SERPINB12: variants seen among roughly 807,000 people sequenced by gnomAD.
The protein encoded by SERPINB12 is serpin family B member 12.
Under a neutral mutation model 41.1 loss-of-function variants are expected in SERPINB12, and 57 were observed. That is an observed-to-expected ratio of 1.39 (90% confidence interval 1.12 to 1.73). The LOEUF (loss-of-function observed/expected upper bound fraction) is 1.73. SERPINB12 is among the 40% of genes most tolerant of loss of function. The probability of loss-of-function intolerance (pLI) is 0.00; values close to 1 mark genes in which losing one functional copy is unlikely to be tolerated. For synonymous variants in SERPINB12, 180 were observed against 181.3 expected (o/e 0.99, Z 0.06); for missense variants, 536 against 501.9 (o/e 1.07, Z -0.65).
chr18:63,532,329 C>T, the SERPINB12 span, among the ~76,000 whole-genome samples: 1 of 152,134 alleles, frequency 6.6e-6, no homozygotes, highest in African/African-American at 2.4e-5. Flanking sequence ...TCTGTCAAGG[C>T]CAGGGACATC....
chr18:63,553,024 T>C (rs1056150227), intron 1 of SERPINB12, among the ~76,000 whole-genome samples: 1 of 152,178 alleles, frequency 6.6e-6, no homozygotes, highest in Admixed American at 6.5e-5. Flanking sequence ...TCAACTCCCT[T>C]GGGAGGTGAG....
chr18:63,560,606 G>A (rs939099561), intron 4 of SERPINB12, among the ~76,000 whole-genome samples: 10 of 152,078 alleles, frequency 6.6e-5, no homozygotes, highest in African/African-American at 1.7e-4. Flanking sequence ...CCATTTATGT[G>A]TACATTTCAG....
intron 1 of SERPINB12, among the ~76,000 whole-genome samples, chr18:63,548,517 C>A (rs985505721): frequency 1.3e-5 from 2 of 151,336 alleles, no homozygotes; most frequent in African/African-American, 4.9e-5. Context: ...TCTATAATAA[C>A]AATAAAGAAA....
At chr18:63,528,392 C>CAATAAATA in the SERPINB12 span, among the ~76,000 whole-genome samples, 49,160 of 144,642 alleles carry the variant, frequency 0.34, 9,004 homozygotes, top group Middle Eastern at 0.43. Flanking sequence ...TCTCTGAGAG[C>CAATAAATA]AATAAATAAA....
At chr18:63,547,698 G>A (rs967973651) in intron 1 of SERPINB12, among the ~76,000 whole-genome samples, 19 of 152,020 alleles carry the variant, frequency 1.2e-4, no homozygotes, top group African/African-American at 3.9e-4. Flanking sequence ...AGGGAAAATT[G>A]TAATAAATGA....
intron 1 of SERPINB12, 103 bp from the exon 2 acceptor site, chr18:63,556,039 A>G: frequency 1.2e-6 from 1 of 838,286 alleles, no homozygotes; most frequent in Admixed American, 2.2e-5. Flanking sequence ...AGCATACTGA[A>G]TAATTGTGCA....
Position 63,566,711 on chromosome 18 carries a change from C to T in SERPINB12, c.978C>T (p.Asp326=), listed in dbSNP as rs1207686612. Residue 326 remains aspartate (D), a synonymous_variant, in exon 8 of 8, where the codon GAC becomes GAT. Transcript: ENST00000382768. ...CCTTCCCCCGGTTCACCCTGGAAGA[C>T]AGCTATGATCTCAATTCCATTTTAC... ...VLSFPRFTLE[D]SYDLNSILQD... is the part of the protein sequence containing the mutation. 6.2e-7 allele frequency: 1 copy of T among 1,614,150 alleles called. No individual in the cohort carries two copies. Among genetic ancestry groups the T allele is most frequent in the East Asian group, 2.2e-5 (1 of 44,892 alleles).
the SERPINB12 span, among the ~76,000 whole-genome samples, chr18:63,523,405 C>T: frequency 6.6e-6 from 1 of 152,134 alleles, no homozygotes; most frequent in African/African-American, 2.4e-5. Flanking sequence ...AAGAAACAAA[C>T]CTCCTTCAGC....
At chr18:63,540,709 G>A (rs570700532), upstream of SERPINB12, among the ~76,000 whole-genome samples, 3 of 152,134 alleles carry the variant, frequency 2.0e-5, no homozygotes, top group Non-Finnish European at 2.9e-5. Context: ...GAGATCATCT[G>A]ATATTCAGAT....
intron 1 of SERPINB12, among the ~76,000 whole-genome samples, chr18:63,551,626 G>A (rs1244060416): frequency 2.0e-5 from 3 of 152,114 alleles, no homozygotes; most frequent in African/African-American, 4.8e-5. Context: ...ATGGACATTT[G>A]CGTTGTTCCT....
chr18:63,541,935 T>C (rs1189455463), upstream of SERPINB12, among the ~76,000 whole-genome samples: 2 of 152,168 alleles, frequency 1.3e-5, no homozygotes, highest in Non-Finnish European at 2.9e-5. Context: ...ACCTGAAAAG[T>C]CTAGCTTCAC....
At chr18:63,549,039 T>C (rs1910456869) in intron 1 of SERPINB12, among the ~76,000 whole-genome samples, 2 of 152,076 alleles carry the variant, frequency 1.3e-5, no homozygotes, top group Non-Finnish European at 2.9e-5. Context: ...ATGATGTTAG[T>C]TTAAACATTT....
chr18:63,559,714 GTCA>G lies in SERPINB12; in HGVS notation c.441_443del (p.Cys147_Gln148delinsTrp). ...TATGGAGAGCAGGAATTCCCAATCT[GTCA>G]GGTGAGTTGCACACGAATGGTGACT... On this transcript the variant is annotated inframe_deletion and splice_region_variant, in exon 4 of 8. Transcript: ENST00000382768. 2.5e-6 allele frequency: 4 copies of G among 1,614,006 alleles called. No individual in the cohort carries two copies. The South Asian group carries it at 4.4e-5, about 18-fold the overall frequency.
In SERPINB12 at chr18:63,558,367, G is replaced by C. The variant is rs745631830; in HGVS notation, c.184G>C (p.Glu62Gln). The C allele has an allele frequency of 6.2e-7, 1 of 1,613,192 alleles. No individual in the cohort carries two copies. The highest frequency in any genetic ancestry group is 1.7e-5 in the Admixed American group (1 of 59,886). Reference sequence around the variant, plus strand: ...TATCATGCAGGTACTACACTTCAACGAATTTTCCCAGAATGAAAGCAAAGA... The same window carrying C: ...TATCATGCAGGTACTACACTTCAACCAATTTTCCCAGAATGAAAGCAAAGA... The part of the protein sequence containing the change: ...HQIDEVLHFN[E>Q]FSQNESKEPD... Residue 62 changes from glutamate (E) to glutamine (Q), a missense_variant, in exon 3 of 8, where the codon GAA (glutamate) becomes CAA (glutamine). Coordinates refer to ENST00000382768, the MANE Select transcript of SERPINB12 (RefSeq NM_001307928.2).
chr18:63,543,462 C>T (rs1377553300), intron 1 of SERPINB12, among the ~76,000 whole-genome samples: 1 of 152,108 alleles, frequency 6.6e-6, no homozygotes, highest in Admixed American at 6.5e-5. Context: ...ACATTATAGG[C>T]ACTTGATACA....
At chr18:63,545,774 A>G (rs1297542240) in intron 1 of SERPINB12, among the ~76,000 whole-genome samples, 1 of 152,224 alleles carries the variant, frequency 6.6e-6, no homozygotes, top group Non-Finnish European at 1.5e-5. Flanking sequence ...AACATGAAGT[A>G]GTAATCAATG....
intron 3 of SERPINB12, 112 bp from the exon 4 acceptor site, chr18:63,559,466 C>A: frequency 9.4e-7 from 1 of 1,068,110 alleles, no homozygotes. Context: ...AGACAGCTGA[C>A]ATCTTACTAA....
At chr18:63,562,990 G>C (rs1910964382) in intron 5 of SERPINB12, among the ~76,000 whole-genome samples, 1 of 152,188 alleles carries the variant, frequency 6.6e-6, no homozygotes, top group South Asian at 2.1e-4. Flanking sequence ...TGTTATTGTG[G>C]AAGGAGCCCC....
intron 3 of SERPINB12, among the ~76,000 whole-genome samples, 165 bp from the exon 4 acceptor site, chr18:63,559,413 T>C (rs551164936): frequency 2.6e-5 from 4 of 152,248 alleles, no homozygotes; most frequent in African/African-American, 9.6e-5. Flanking sequence ...TCACCCTCCA[T>C]TCCTCTGTTC....
Sources: allele counts gnomAD v4.1 joint callset (sites outside exome capture counted in the v4.1 genomes callset), GRCh38; gene constraint gnomAD v4.1.1; transcripts MANE v1.5; gene names NCBI Gene and HGNC (gene_info 2026-07-23, HGNC 2026-07-21).